LRP1B: variants seen among roughly 807,000 people sequenced by gnomAD.
LRP1B encodes LDL receptor related protein 1B, also known as low-density lipoprotein receptor-related protein 1B.
A neutral mutation model predicts 556.6 loss-of-function variants in LRP1B; 217 were observed. The ratio of observed to expected loss-of-function variants is 0.39; its 90% CI spans 0.35 to 0.44. LRP1B has a LOEUF of 0.44. Among genes scored for constraint, LRP1B ranks in the 20% least tolerant of loss-of-function variants. The pLI is 1.00. For synonymous variants in LRP1B, 2,047 were observed against 1,865.8 expected, an observed-to-expected ratio of 1.10 and a Z score of -2.50; for missense variants, 5,053 against 5,620.8, an observed-to-expected ratio of 0.90 and a Z score of 3.23.
chr2:140,647,008 T>A (rs890352669), intron 41 of LRP1B, among the ~76,000 whole-genome samples: 2 of 152,118 alleles, frequency 1.3e-5, no homozygotes, highest in Admixed American at 6.6e-5. Context: ...TTCAATCAAA[T>A]TTATACTCTA....
At chr2:141,845,675 C>A (rs1235057251) in intron 1 of LRP1B, among the ~76,000 whole-genome samples, 1 of 151,574 alleles carries the variant, frequency 6.6e-6, no homozygotes, top group East Asian at 1.9e-4. Context: ...AAAGCTGAGA[C>A]ATTAAATGCA....
intron 83 of LRP1B, among the ~76,000 whole-genome samples, chr2:140,304,346 C>G (rs1424291621): frequency 2.0e-5 from 3 of 152,120 alleles, no homozygotes; most frequent in Non-Finnish European, 4.4e-5. Context: ...TTAATGATCA[C>G]CATTCTAACT....
At chr2:141,843,806 A>G (rs893047283) in intron 1 of LRP1B, among the ~76,000 whole-genome samples, 2 of 152,116 alleles carry the variant, frequency 1.3e-5, no homozygotes, top group Non-Finnish European at 2.9e-5. Context: ...AAATTTCTAC[A>G]TCCTTTTAAT....
At chr2:141,859,410 T>C (rs1426663317) in intron 1 of LRP1B, among the ~76,000 whole-genome samples, 1 of 152,124 alleles carries the variant, frequency 6.6e-6, no homozygotes, top group Non-Finnish European at 1.5e-5. Flanking sequence ...AGTTTAAATA[T>C]TTACATTTAA....
chr2:141,412,975 C>G (rs1179584076), intron 3 of LRP1B, among the ~76,000 whole-genome samples: 1 of 152,026 alleles, frequency 6.6e-6, no homozygotes, highest in African/African-American at 2.4e-5. Context: ...GCATGTAATT[C>G]CAGTGCTTTG....
intron 1 of LRP1B, among the ~76,000 whole-genome samples, chr2:142,096,290 C>T (rs1406585264): frequency 6.6e-6 from 1 of 151,636 alleles, no homozygotes; most frequent in Admixed American, 6.6e-5. Flanking sequence ...ACCCAGATAA[C>T]AATCTCTTCA....
chr2:141,117,200 C>A (rs1700926882), intron 7 of LRP1B, among the ~76,000 whole-genome samples: 1 of 149,786 alleles, frequency 6.7e-6, no homozygotes, highest in South Asian at 2.1e-4. Context: ...GATAATATTG[C>A]CTCTGTAGGA....
chr2:141,480,558 A>G (rs747659035), intron 2 of LRP1B, 25 bp from the exon 3 acceptor site: 1 of 1,612,770 alleles, frequency 6.2e-7, no homozygotes, highest in Admixed American at 1.7e-5. Context: ...AAAAGAACAG[A>G]ATTATGTGTT....
chr2:141,534,421 T>C (rs1270798107), intron 2 of LRP1B, among the ~76,000 whole-genome samples: 1 of 152,166 alleles, frequency 6.6e-6, no homozygotes, highest in South Asian at 2.1e-4. Flanking sequence ...AGATCATTTT[T>C]ACTCTTTTAA....
intron 35 of LRP1B, among the ~76,000 whole-genome samples, chr2:140,757,500 T>C (rs2104908094): frequency 6.6e-6 from 1 of 152,224 alleles, no homozygotes; most frequent in South Asian, 2.1e-4. Context: ...AAATAGAACA[T>C]TATGCTAAGT....
intron 7 of LRP1B, among the ~76,000 whole-genome samples, chr2:141,112,027 C>A (rs1274197162): frequency 6.7e-6 from 1 of 150,210 alleles, no homozygotes; most frequent in Non-Finnish European, 1.5e-5. Context: ...GCCTGGGCAA[C>A]AGAGTGAGAC....
intron 20 of LRP1B, among the ~76,000 whole-genome samples, chr2:140,946,917 C>A (rs768808399): frequency 3.9e-5 from 6 of 152,158 alleles, no homozygotes; most frequent in Non-Finnish European, 5.9e-5. Context: ...TGAATTAACA[C>A]AGAAACAGAA....
At chr2:141,631,593 G>C (rs1688911727) in intron 2 of LRP1B, among the ~76,000 whole-genome samples, 2 of 150,098 alleles carry the variant, frequency 1.3e-5, no homozygotes, top group South Asian at 4.2e-4. Flanking sequence ...GAAGGGGCCT[G>C]GTTTACCTGA....
chr2:141,241,502 C>G (rs1419418486), intron 5 of LRP1B, among the ~76,000 whole-genome samples: 1 of 151,924 alleles, frequency 6.6e-6, no homozygotes, highest in East Asian at 1.9e-4. Context: ...TGTTTGATGC[C>G]AATACTATAC....
At chr2:141,562,791 A>C (rs1686208291) in intron 2 of LRP1B, among the ~76,000 whole-genome samples, 1 of 152,042 alleles carries the variant, frequency 6.6e-6, no homozygotes, top group African/African-American at 2.4e-5. Context: ...ATACAGGGCA[A>C]GGAAATTAGA....
rs58664779 is a variant in LRP1B at position 141,943,676 on chromosome 2, A to AT, written c.83-133276dup. On this transcript the variant is annotated intron_variant, in intron 1 of 90. Coordinates refer to ENST00000389484, the MANE Select transcript of LRP1B (RefSeq NM_018557.3). ...CATCTATTAGAAAGTTTCTTGATCT[A>AT]TTTTTTTTTTTATTATTTACTATAA... is the stretch of plus-strand genomic sequence containing the variant. 2.2e-3 allele frequency among the ~76,000 whole-genome samples: 331 copies of AT among 147,418 alleles called. 1 individual carries two copies. The highest frequency in any genetic ancestry group is 4.5e-3 in the South Asian group (21 of 4,640).
chr2:141,365,818 A>G (rs1689012393), intron 3 of LRP1B, among the ~76,000 whole-genome samples: 2 of 149,638 alleles, frequency 1.3e-5, no homozygotes, highest in Admixed American at 6.6e-5. Flanking sequence ...GACTACAGGC[A>G]CCCGCCACTA....
intron 1 of LRP1B, among the ~76,000 whole-genome samples, chr2:142,034,940 G>T (rs543399856): frequency 2.0e-5 from 3 of 151,584 alleles, no homozygotes; most frequent in South Asian, 4.2e-4. Flanking sequence ...AAAATGTATT[G>T]GTGGAATTAA....
At chr2:141,600,492 T>C (rs1687687844) in intron 2 of LRP1B, among the ~76,000 whole-genome samples, 1 of 152,142 alleles carries the variant, frequency 6.6e-6, no homozygotes, top group South Asian at 2.1e-4. Context: ...TTGTGAGTGA[T>C]GATGCAGGTG....
Sources: gnomAD v4.1 joint callset for allele counts (sites outside exome capture counted in the v4.1 genomes callset) on GRCh38, gnomAD v4.1.1 for gene constraint, MANE v1.5 for transcripts, NCBI Gene and HGNC (gene_info 2026-07-23, HGNC 2026-07-21) for gene names.